C17orf67: variants seen among roughly 807,000 people sequenced by gnomAD.
The protein encoded by C17orf67 is uncharacterized protein C17orf67.
Under a neutral mutation model 11.2 loss-of-function variants are expected in C17orf67, and 12 were observed. That is an observed-to-expected ratio of 1.07 (90% confidence interval 0.68 to 1.73). C17orf67 has a LOEUF of 1.73. Ranked by LOEUF, C17orf67 falls within the 40% of genes most tolerant of loss-of-function variation. The pLI, the probability that C17orf67 is intolerant of heterozygous loss-of-function variation, is 0.00. For missense variants in C17orf67, 115 were observed against 113.5 expected, an observed-to-expected ratio of 1.01 and a Z score of -0.06; for synonymous variants, 59 against 46.9, an observed-to-expected ratio of 1.26 and a Z score of -1.05.
chr17:56,794,314 C>A (rs1356541665), intron 7 of C17orf67, among the ~76,000 whole-genome samples: 6 of 152,146 alleles, frequency 3.9e-5, no homozygotes, highest in African/African-American at 1.4e-4. Flanking sequence ...TATATCTTGT[C>A]CTGCTTGGTC....
intron 6 of C17orf67, among the ~76,000 whole-genome samples, chr17:56,799,170 T>C (rs1905265912): frequency 6.6e-6 from 1 of 152,180 alleles, no homozygotes; most frequent in African/African-American, 2.4e-5. Flanking sequence ...ACACAAACCC[T>C]AGCACTACCA....
intron 2 of C17orf67, among the ~76,000 whole-genome samples, chr17:56,828,750 C>T (rs1410979351): frequency 6.6e-6 from 1 of 151,570 alleles, no homozygotes; most frequent in African/African-American, 2.4e-5. Context: ...CTTAGTCAAC[C>T]TGTTAGGAAT....
chr17:56,795,165 G>A lies in C17orf67; in HGVS notation c.172C>T (p.Leu58=). The part of the protein sequence containing the change: ...DEPMREYMHH[L]LALEHRAEEQ... The stretch of plus-strand genomic sequence containing the variant: ...TCAGCGCGATGCTCCAGGGCGAGCA[G>A]GTGGTGCATGTATTCCTGTCAAAAC... The change falls in exon 7 of 8, where the codon CTG becomes TTG. Residue 58 remains leucine (L), a synonymous_variant. Coordinates refer to ENST00000397861, the MANE Select transcript of C17orf67 (RefSeq NM_001085430.4). 2 of 1,614,148 alleles carry A rather than the reference G, an allele frequency of 1.2e-6. No homozygotes were observed. The highest frequency in any genetic ancestry group is 1.7e-6 in the Non-Finnish European group (2 of 1,180,022).
chr17:56,798,162 C>T (rs970718), intron 6 of C17orf67, among the ~76,000 whole-genome samples: 18,085 of 152,168 alleles, frequency 0.12, 1,163 homozygotes, highest in South Asian at 0.16. Context: ...CCTGTGAATG[C>T]TCCTGAATCC....
intron 6 of C17orf67, among the ~76,000 whole-genome samples, chr17:56,798,153 C>T (rs1034844605): frequency 3.9e-5 from 6 of 152,182 alleles, no homozygotes; most frequent in Non-Finnish European, 8.8e-5. Context: ...AGCCTAACTC[C>T]TGTGAATGCT....
At chr17:56,808,613 ATCT>A (rs1217873244) in intron 6 of C17orf67, among the ~76,000 whole-genome samples, 1 of 152,150 alleles carries the variant, frequency 6.6e-6, no homozygotes, top group African/African-American at 2.4e-5. Context: ...TTACCCAGCA[ATCT>A]TCTCAAAAGC....
chr17:56,809,687 A>C, intron 6 of C17orf67, among the ~76,000 whole-genome samples: 2 of 131,160 alleles, frequency 1.5e-5, no homozygotes, highest in African/African-American at 5.9e-5. Context: ...CCTCACACAC[A>C]CCTATTACAC....
intron 4 of C17orf67, among the ~76,000 whole-genome samples, chr17:56,820,767 CTTTTTTTTTTTTT>C (rs746734939): frequency 1.6e-5 from 2 of 122,512 alleles, no homozygotes; most frequent in Non-Finnish European, 3.4e-5. Flanking sequence ...GTGAGTTTCC[CTTTTTTTTTTTTT>C]TTTTTTTTTG....
intron 4 of C17orf67, among the ~76,000 whole-genome samples, chr17:56,816,971 T>A (rs190684353): frequency 6.6e-6 from 1 of 152,040 alleles, no homozygotes; most frequent in Non-Finnish European, 1.5e-5. Flanking sequence ...CACCTCAGCC[T>A]CCCGAGTAGC....
chr17:56,832,181 C>T (rs1020858528), intron 2 of C17orf67, among the ~76,000 whole-genome samples: 1 of 152,108 alleles, frequency 6.6e-6, no homozygotes, highest in African/African-American at 2.4e-5. Context: ...TTCCTGACCC[C>T]GTGATGCACC....
chr17:56,823,355 C>G (rs1905950794), intron 4 of C17orf67, among the ~76,000 whole-genome samples: 1 of 151,890 alleles, frequency 6.6e-6, no homozygotes, highest in Admixed American at 6.6e-5. Flanking sequence ...TGAGGTTCAA[C>G]AGACATCTAG....
At chr17:56,795,292 G>A (rs562673835) in intron 6 of C17orf67, 112 bp from the exon 7 acceptor site, 74 of 937,824 alleles carry the variant, frequency 7.9e-5, no homozygotes, top group African/African-American at 6.1e-4. Flanking sequence ...AGGACAGGCA[G>A]GGAGAAGAAA....
At chr17:56,810,342 C>T (rs1047268459) in intron 6 of C17orf67, among the ~76,000 whole-genome samples, 4 of 143,536 alleles carry the variant, frequency 2.8e-5, no homozygotes, top group Admixed American at 6.9e-5. Flanking sequence ...CGAATACACA[C>T]ACCCTCACAC....
At chr17:56,802,314 T>C (rs1905342443) in intron 6 of C17orf67, among the ~76,000 whole-genome samples, 1 of 152,016 alleles carries the variant, frequency 6.6e-6, no homozygotes, top group South Asian at 2.1e-4. Flanking sequence ...CACCAAGGAG[T>C]CACAGCCACA....
At chr17:56,813,087 A>G (rs969598156) in intron 6 of C17orf67, among the ~76,000 whole-genome samples, 12 of 152,160 alleles carry the variant, frequency 7.9e-5, no homozygotes, top group African/African-American at 2.9e-4. Flanking sequence ...CACCTTGAGC[A>G]GGAGCCACTG....
At chr17:56,816,862 G>T (rs951532207) in intron 4 of C17orf67, among the ~76,000 whole-genome samples, 2 of 152,154 alleles carry the variant, frequency 1.3e-5, no homozygotes, top group Non-Finnish European at 2.9e-5. Flanking sequence ...GGTTTGGTTT[G>T]GTTTGGTTTT....
intron 4 of C17orf67, among the ~76,000 whole-genome samples, chr17:56,822,623 C>G (rs1905931452): frequency 6.6e-6 from 1 of 152,222 alleles, no homozygotes; most frequent in South Asian, 2.1e-4. Context: ...TATGCCAAAT[C>G]TCTTTGCATA....
intron 5 of C17orf67, 144 bp downstream of exon 5, chr17:56,815,612 C>G (rs1795643845): frequency 1.7e-6 from 1 of 600,306 alleles, no homozygotes; most frequent in Admixed American, 4.7e-5. Context: ...TGGAAGCCTA[C>G]TCTTATGGAA....
chr17:56,814,213 C>T (rs1230609338), intron 6 of C17orf67, among the ~76,000 whole-genome samples: 3 of 152,184 alleles, frequency 2.0e-5, no homozygotes, highest in Non-Finnish European at 1.5e-5. Context: ...GTCACTGCTA[C>T]TTCCCTTCAC....
Sources: gnomAD v4.1 joint callset for allele counts (sites outside exome capture counted in the v4.1 genomes callset) on GRCh38, gnomAD v4.1.1 for gene constraint, MANE v1.5 for transcripts, NCBI Gene and HGNC (gene_info 2026-07-23, HGNC 2026-07-21) for gene names.